The following WDR47 variants were observed in gnomAD, a reference collection of about 807,000 sequenced individuals.
The protein encoded by WDR47 is WD repeat-containing protein 47.
In WDR47, 32 loss-of-function variants were observed where a neutral mutation model predicts 97.2. The observed-to-expected ratio is 0.33, with a 90% CI of 0.25 to 0.44. The LOEUF (loss-of-function observed/expected upper bound fraction) is 0.44. Among genes scored for constraint, WDR47 ranks in the 20% least tolerant of loss-of-function variants. The probability of loss-of-function intolerance (pLI) is 1.00; values close to 1 mark genes in which losing one functional copy is unlikely to be tolerated. For missense variants in WDR47, 782 were observed against 1,102.3 expected, an observed-to-expected ratio of 0.71 and a Z score of 4.11; for synonymous variants, 375 against 373.5, an observed-to-expected ratio of 1.00 and a Z score of -0.05.
intron 1 of WDR47, among the ~76,000 whole-genome samples, chr1:109,036,550 A>AC (rs1553239012): frequency 2.0e-5 from 3 of 150,252 alleles, no homozygotes; most frequent in Non-Finnish European, 4.4e-5. Context: ...AAAAAAAAAA[A>AC]CATAGTCCAG....
intron 13 of WDR47, among the ~76,000 whole-genome samples, chr1:108,977,818 A>T (rs1658033781): frequency 6.6e-6 from 1 of 151,246 alleles, no homozygotes; most frequent in South Asian, 2.1e-4. Flanking sequence ...ACAAAGTAAG[A>T]TTCTCAAAAA....
chr1:109,025,438 A>C (rs1443857972), intron 1 of WDR47, among the ~76,000 whole-genome samples: 1 of 140,764 alleles, frequency 7.1e-6, no homozygotes, highest in East Asian at 2.2e-4. Flanking sequence ...CTCAAAAAAA[A>C]AAAAAAAAAA....
At position 109,023,400 on chromosome 1, in the gene WDR47, C is replaced by A; in HGVS notation, c.113G>T (p.Ser38Ile). The A allele has an allele frequency of 6.2e-7, 1 of 1,613,880 alleles. No individual in the cohort carries two copies. Among genetic ancestry groups the A allele is most frequent in the Non-Finnish European group, 8.5e-7 (1 of 1,179,914 alleles). Reference protein sequence around the residue: ...HISMLALEKESGVINGLFSDD... With the variant: ...HISMLALEKEIGVINGLFSDD... ...TGAAAACAGGCCATTTATGACTCCACTTTCCTTCTCCAGGGCCAGCATACT... is the reference window on the plus strand; with the variant it reads ...TGAAAACAGGCCATTTATGACTCCAATTTCCTTCTCCAGGGCCAGCATACT... Residue 38 changes from serine to isoleucine, a missense_variant, in exon 2 of 15, where the codon AGT (serine) becomes ATT (isoleucine). Around this residue, in one of 3 missense-constraint regions of WDR47, gnomAD observed 428 missense variants for 584.3 expected, o/e 0.73. Transcript: ENST00000369962.
At chr1:109,012,998 G>A (rs765125073) in intron 4 of WDR47, among the ~76,000 whole-genome samples, 1 of 152,076 alleles carries the variant, frequency 6.6e-6, no homozygotes, top group Non-Finnish European at 1.5e-5. Context: ...TCCTAACCCC[G>A]CAAGGTAATG....
intron 7 of WDR47, among the ~76,000 whole-genome samples, chr1:108,998,404 G>A (rs1016241703): frequency 2.0e-5 from 3 of 151,968 alleles, no homozygotes; most frequent in African/African-American, 4.8e-5. Context: ...CTGGGAGGCC[G>A]AGATGGTGAA....
rs374269802 is a variant in WDR47 at position 109,039,328 on chromosome 1, G to A, written c.-10+2534C>T. On this transcript the variant is annotated intron_variant, in intron 1 of 14. Coordinates refer to ENST00000369962, the MANE Select transcript of WDR47 (RefSeq NM_001142551.2). ...GAGTGCAGTGGCATGCATGATCTTGGCTCACTGCAACCTCTGCCTCCTGTG... is the reference window on the plus strand; with the variant it reads ...GAGTGCAGTGGCATGCATGATCTTGACTCACTGCAACCTCTGCCTCCTGTG... Among the ~76,000 whole-genome samples, 11 of 152,036 alleles carry A rather than the reference G, an allele frequency of 7.2e-5. No individual in the cohort carries two copies. In the East Asian group the frequency reaches 1.4e-3, roughly 19 times the overall value.
At chr1:109,019,659 T>C (rs1661679051) in intron 2 of WDR47, among the ~76,000 whole-genome samples, 1 of 152,202 alleles carries the variant, frequency 6.6e-6, no homozygotes, top group Admixed American at 6.5e-5. Flanking sequence ...GCCCAGATGC[T>C]AGCAGTGCCA....
At chr1:109,000,868 G>T (rs1660132873) in intron 7 of WDR47, among the ~76,000 whole-genome samples, 1 of 152,134 alleles carries the variant, frequency 6.6e-6, no homozygotes. Flanking sequence ...TTGTAATCAT[G>T]ACAATAGCCA....
chr1:108,981,904 T>A (rs1323636720), intron 12 of WDR47, 40 bp from the exon 13 acceptor site: 2 of 1,590,562 alleles, frequency 1.3e-6, no homozygotes, highest in South Asian at 2.2e-5. Context: ...GGTGGGAGAG[T>A]ATCTTTCCAT....
intron 11 of WDR47, among the ~76,000 whole-genome samples, 191 bp from the exon 12 acceptor site, chr1:108,982,970 C>G (rs1378539854): frequency 6.6e-6 from 1 of 151,698 alleles, no homozygotes; most frequent in Non-Finnish European, 1.5e-5. Context: ...TAGCTGTTAC[C>G]ACAGGGTTAT....
At chr1:108,974,406 C>CA in intron 14 of WDR47, 130 bp downstream of exon 14, 1 of 693,648 alleles carries the variant, frequency 1.4e-6, no homozygotes, top group South Asian at 2.1e-5. Context: ...AATATAGTCT[C>CA]AGAATCTGCT....
chr1:108,988,256 AG>A (rs1356371995), intron 9 of WDR47, among the ~76,000 whole-genome samples: 1 of 150,834 alleles, frequency 6.6e-6, no homozygotes, highest in Non-Finnish European at 1.5e-5. Context: ...CCAAGAAGGA[AG>A]GAAAGAATAA....
intron 5 of WDR47, 126 bp downstream of exon 5, chr1:109,010,781 ACCGTGTTAG>A: frequency 1.2e-6 from 1 of 837,836 alleles, no homozygotes; most frequent in Non-Finnish European, 1.8e-6. Context: ...ACAGGGTTTC[ACCGTGTTAG>A]CCAGGATGGT....
intron 9 of WDR47, among the ~76,000 whole-genome samples, chr1:108,987,953 G>A (rs113657967): frequency 0.064 from 9,755 of 151,576 alleles, 555 homozygotes; most frequent in African/African-American, 0.15. Context: ...GAATAAATAC[G>A]GGCCAGGCAC....
chr1:109,014,827 T>C (rs1661300783), intron 3 of WDR47, among the ~76,000 whole-genome samples: 1 of 152,196 alleles, frequency 6.6e-6, no homozygotes, highest in South Asian at 2.1e-4. Context: ...CTTTATTGCC[T>C]GAAGCAATTT....
At chr1:108,985,444 C>G (rs998201020) in intron 10 of WDR47, among the ~76,000 whole-genome samples, 1 of 152,148 alleles carries the variant, frequency 6.6e-6, no homozygotes, top group African/African-American at 2.4e-5. Flanking sequence ...CAGTTTGCAC[C>G]CTACTCCATC....
At chr1:109,001,636 T>C (rs1329900880) in intron 7 of WDR47, among the ~76,000 whole-genome samples, 2 of 152,146 alleles carry the variant, frequency 1.3e-5, no homozygotes, top group Non-Finnish European at 2.9e-5. Context: ...ATGCCTGTAA[T>C]TCCTGCACTT....
In WDR47 at chr1:109,011,443, G is replaced by A. The variant is rs750185238; in HGVS notation, c.603C>T (p.Gly201=). ...NNRLFQLVMK[G]LLYECCVEFC... ...ATTCTACACAGCATTCATAAAGCAG[G>A]CCTTTCATTACAAGCTGAAATAAAC... The change falls in exon 5 of 15, where the codon GGC becomes GGT. Residue 201 remains glycine, a synonymous_variant. Coordinates refer to ENST00000369962, the MANE Select transcript of WDR47 (RefSeq NM_001142551.2). The A allele has an allele frequency of 2.5e-6, 4 of 1,613,982 alleles. No individual in the cohort carries two copies. The Admixed American group carries it at 5.0e-5, about 20-fold the overall frequency.
chr1:109,030,525 C>T (rs922029583), intron 1 of WDR47, among the ~76,000 whole-genome samples: 1 of 151,996 alleles, frequency 6.6e-6, no homozygotes, highest in African/African-American at 2.4e-5. Context: ...TCATTATAAA[C>T]CTTATAGTTA....
Sources: allele counts gnomAD v4.1 joint callset (sites outside exome capture counted in the v4.1 genomes callset), GRCh38; gene constraint gnomAD v4.1.1; regional missense constraint gnomAD v4.1.1; transcripts MANE v1.5; gene names NCBI Gene and HGNC (gene_info 2026-07-23, HGNC 2026-07-21).